OCA2: variants seen among roughly 807,000 people sequenced by gnomAD.
OCA2 encodes P protein.
In OCA2, 77 loss-of-function variants were observed where a neutral mutation model predicts 100.2. That is an observed-to-expected ratio of 0.77 (90% CI 0.64 to 0.93). OCA2 has a LOEUF of 0.93. OCA2 is among the 40% of genes least tolerant of loss of function. The probability of loss-of-function intolerance (pLI) is 0.00; values close to 1 mark genes in which losing one functional copy is unlikely to be tolerated. For missense variants in OCA2, 1,062 were observed against 1,089.1 expected (o/e 0.98, Z 0.35); for synonymous variants, 432 against 439.2 (o/e 0.98, Z 0.21).
At chr15:27,897,476 A>G (rs551076552) in intron 19 of OCA2, among the ~76,000 whole-genome samples, 4 of 152,344 alleles carry the variant, frequency 2.6e-5, no homozygotes, top group Admixed American at 2.6e-4. Flanking sequence ...TGCTTCAGAC[A>G]GTGGAAGCCC....
intron 9 of OCA2, among the ~76,000 whole-genome samples, chr15:28,001,482 G>A (rs907540654): frequency 3.9e-5 from 6 of 152,126 alleles, no homozygotes; most frequent in African/African-American, 9.7e-5. Context: ...AGAGCTGACC[G>A]CCAGAGCTGG....
At chr15:27,811,605 T>C (rs753574926) in intron 23 of OCA2, among the ~76,000 whole-genome samples, 15 of 152,180 alleles carry the variant, frequency 9.9e-5, no homozygotes, top group Admixed American at 2.6e-4. Context: ...TGTAAGTCAA[T>C]CAAGAAAAGA....
At chr15:27,870,639 A>G (rs1055951939) in intron 21 of OCA2, among the ~76,000 whole-genome samples, 4 of 147,622 alleles carry the variant, frequency 2.7e-5, no homozygotes, top group Non-Finnish European at 5.9e-5. Flanking sequence ...GCAAGTCTCT[A>G]TCTTTTGATG....
intron 18 of OCA2, among the ~76,000 whole-genome samples, chr15:27,948,504 T>C (rs1029712585): frequency 7.2e-5 from 11 of 152,128 alleles, no homozygotes; most frequent in African/African-American, 2.4e-4. Flanking sequence ...TCTGGCTCTG[T>C]CATCGAGGCT....
At chr15:27,991,856 C>T (rs1306901171) in intron 9 of OCA2, among the ~76,000 whole-genome samples, 1 of 152,206 alleles carries the variant, frequency 6.6e-6, no homozygotes, top group Non-Finnish European at 1.5e-5. Flanking sequence ...CTCACAGAAA[C>T]TGACTCCCTT....
At chr15:27,761,457 G>C (rs1466254868) in intron 23 of OCA2, among the ~76,000 whole-genome samples, 1 of 148,934 alleles carries the variant, frequency 6.7e-6, no homozygotes, top group Non-Finnish European at 1.5e-5. Flanking sequence ...ACAAAATGGT[G>C]ATTAAAAAAA....
chr15:28,050,783 G>A (rs565960404), intron 2 of OCA2, among the ~76,000 whole-genome samples: 26 of 152,194 alleles, frequency 1.7e-4, no homozygotes, highest in South Asian at 2.1e-4. Flanking sequence ...CAGACATGCC[G>A]AGTGCAGGTA....
intron 22 of OCA2, among the ~76,000 whole-genome samples, chr15:27,847,894 C>T (rs1218553145): frequency 6.6e-6 from 1 of 152,176 alleles, no homozygotes; most frequent in African/African-American, 2.4e-5. Context: ...AGTCCAGACA[C>T]AGCGACAGCA....
intron 9 of OCA2, 72 bp from the exon 10 acceptor site, chr15:27,990,719 A>C (rs779164866): frequency 2.9e-5 from 37 of 1,282,692 alleles, no homozygotes; most frequent in Non-Finnish European, 4.1e-5. Context: ...GCCTGTGTGG[A>C]CATGAGGGGG....
Position 28,049,434 on chromosome 15 carries a change from A to G in OCA2, c.228-17271T>C, listed in dbSNP as rs539000633. ...TTTGCAGGTTCTCACAAAGTTAAAC[A>G]TAGTTACCACATAATCTAGCGATTT... On this transcript the variant is annotated intron_variant, in intron 2 of 23. Coordinates refer to ENST00000354638, the MANE Select transcript of OCA2 (RefSeq NM_000275.3). 3.3e-5 allele frequency among the ~76,000 whole-genome samples: 5 copies of G among 152,360 alleles called. No homozygotes were observed. The East Asian group carries it at 9.6e-4, about 29-fold the overall frequency.
intron 1 of OCA2, among the ~76,000 whole-genome samples, chr15:28,091,530 T>C (rs2044869797): frequency 6.6e-6 from 1 of 152,214 alleles, no homozygotes; most frequent in Admixed American, 6.5e-5. Context: ...TCAATCAATG[T>C]TGAACATGGA....
At chr15:27,945,189 T>C (rs1000832345) in intron 18 of OCA2, among the ~76,000 whole-genome samples, 2 of 152,218 alleles carry the variant, frequency 1.3e-5, no homozygotes, top group Admixed American at 6.5e-5. Flanking sequence ...CAGCTCATAG[T>C]GACCTCCTCT....
chr15:27,813,743 G>A (rs2034170687), intron 23 of OCA2, among the ~76,000 whole-genome samples: 1 of 152,094 alleles, frequency 6.6e-6, no homozygotes, highest in Admixed American at 6.5e-5. Context: ...CACTCAAAAG[G>A]CTGGAAATAG....
At chr15:27,778,329 G>T (rs1028688232) in intron 23 of OCA2, among the ~76,000 whole-genome samples, 1 of 152,212 alleles carries the variant, frequency 6.6e-6, no homozygotes, top group Non-Finnish European at 1.5e-5. Context: ...TTTCTAAAAC[G>T]AGCTCATACG....
At chr15:28,052,200 C>G (rs993496684) in intron 2 of OCA2, among the ~76,000 whole-genome samples, 2 of 152,180 alleles carry the variant, frequency 1.3e-5, no homozygotes, top group Non-Finnish European at 2.9e-5. Context: ...TGCCGTTGAA[C>G]TCAAGCACCA....
intron 21 of OCA2, among the ~76,000 whole-genome samples, chr15:27,861,092 G>A (rs1350224062): frequency 1.3e-5 from 2 of 152,200 alleles, no homozygotes; most frequent in African/African-American, 4.8e-5. Context: ...GTGACAGCAG[G>A]AGGGCATGTG....
intron 23 of OCA2, among the ~76,000 whole-genome samples, chr15:27,834,060 G>A (rs115825000): frequency 0.017 from 2,553 of 152,290 alleles, 75 homozygotes; most frequent in African/African-American, 0.059. Context: ...GCTCTTGGGG[G>A]CCCTAGATGG....
intron 2 of OCA2, among the ~76,000 whole-genome samples, chr15:28,062,129 T>C (rs1303559411): frequency 6.6e-6 from 1 of 152,248 alleles, no homozygotes. Flanking sequence ...GCTGAACAGT[T>C]TGAGGAACTG....
At chr15:27,826,595 C>T (rs927445818) in intron 23 of OCA2, among the ~76,000 whole-genome samples, 15 of 152,212 alleles carry the variant, frequency 9.9e-5, no homozygotes, top group African/African-American at 3.4e-4. Flanking sequence ...CCGACTCCTG[C>T]GTTCATGCCT....
Sources: gnomAD v4.1 joint callset for allele counts (sites outside exome capture counted in the v4.1 genomes callset) on GRCh38, gnomAD v4.1.1 for gene constraint, MANE v1.5 for transcripts, NCBI Gene and HGNC (gene_info 2026-07-23, HGNC 2026-07-21) for gene names.